Variants in SYT14 observed in about 807,000 individuals in gnomAD.
The protein encoded by SYT14 is synaptotagmin 14.
In SYT14, 32 loss-of-function variants were observed where a neutral mutation model predicts 74.2. The observed-to-expected ratio is 0.43, with a 90% CI of 0.33 to 0.58. The LOEUF is 0.58. SYT14 is among the 20% of genes least tolerant of loss of function. The pLI, the probability that SYT14 is intolerant of heterozygous loss-of-function variation, is 0.05. For missense variants in SYT14, 791 were observed against 981.8 expected (o/e 0.81, Z 2.60); for synonymous variants, 298 against 337.7 (o/e 0.88, Z 1.29).
chr1:210,072,132 G>GATATATATATAT (rs34290398), intron 5 of SYT14, among the ~76,000 whole-genome samples: 9 of 146,306 alleles, frequency 6.2e-5, no homozygotes, highest in South Asian at 2.2e-4. Flanking sequence ...GTTAATTAAA[G>GATATATATATAT]ATATATATAT....
At chr1:210,139,277 T>TC (rs1205849220) in intron 7 of SYT14, among the ~76,000 whole-genome samples, 3 of 147,498 alleles carry the variant, frequency 2.0e-5, no homozygotes, top group Non-Finnish European at 3.0e-5. Flanking sequence ...TTTTTTTTTT[T>TC]TTTTTTTTTT....
chr1:210,005,280 G>A (rs1316062523), intron 2 of SYT14, among the ~76,000 whole-genome samples: 1 of 151,934 alleles, frequency 6.6e-6, no homozygotes, highest in Admixed American at 6.6e-5. Flanking sequence ...GAGGAAGATG[G>A]TGTCTCTCTG....
At chr1:210,020,359 T>A (rs774014929) in intron 4 of SYT14, among the ~76,000 whole-genome samples, 3 of 152,204 alleles carry the variant, frequency 2.0e-5, no homozygotes, top group Non-Finnish European at 2.9e-5. Flanking sequence ...ATATCTTTAT[T>A]CATCTGTTAA....
At chr1:210,165,278 T>G (rs1296664172) in exon 10 of SYT14, 1 of 152,044 alleles carries the variant, frequency 6.6e-6, no homozygotes, top group Non-Finnish European at 1.5e-5. Context: ...CCACTCACCT[T>G]GATTGAATGG....
intron 6 of SYT14, 145 bp from the exon 6 acceptor site, chr1:210,099,867 T>C (rs1389639423): frequency 1.9e-5 from 15 of 791,634 alleles, no homozygotes; most frequent in Non-Finnish European, 2.8e-5. Flanking sequence ...AGCTTTTGGT[T>C]GTAGTTGACT....
chr1:210,145,462 A>G (rs376921299), intron 7 of SYT14, among the ~76,000 whole-genome samples: 89 of 152,298 alleles, frequency 5.8e-4, no homozygotes, highest in African/African-American at 2.0e-3. Flanking sequence ...ATTTTCATTC[A>G]GCAATATTTA....
At chr1:210,096,389 G>GAGAGAA (rs1422466842) in intron 6 of SYT14, among the ~76,000 whole-genome samples, 1 of 152,192 alleles carries the variant, frequency 6.6e-6, no homozygotes, top group African/African-American at 2.4e-5. Context: ...GTGTGAGAGA[G>GAGAGAA]AGAGAAAGAG....
intron 5 of SYT14, among the ~76,000 whole-genome samples, chr1:210,025,232 G>C (rs937599846): frequency 2.0e-5 from 3 of 152,190 alleles, no homozygotes; most frequent in Admixed American, 2.0e-4. Context: ...TGCAGAAACT[G>C]CTGCTTTGTG....
intron 2 of SYT14, among the ~76,000 whole-genome samples, chr1:210,005,558 T>G (rs1374729163): frequency 6.6e-6 from 1 of 151,966 alleles, no homozygotes; most frequent in Non-Finnish European, 1.5e-5. Flanking sequence ...TTTAGATAAT[T>G]GTGAAGGAAT....
chr1:209,969,445 C>G (rs1377303416), intron 2 of SYT14, among the ~76,000 whole-genome samples: 1 of 149,156 alleles, frequency 6.7e-6, no homozygotes, highest in Non-Finnish European at 1.5e-5. Flanking sequence ...GCCGTTCTGA[C>G]TAGTGTGAAA....
intron 5 of SYT14, among the ~76,000 whole-genome samples, chr1:210,027,474 G>A (rs530180532): frequency 6.6e-6 from 1 of 152,010 alleles, no homozygotes; most frequent in East Asian, 1.9e-4. Flanking sequence ...AAGTGGACAT[G>A]GATTATCAAA....
chr1:210,073,474 C>T (rs865843693), intron 5 of SYT14, among the ~76,000 whole-genome samples: 2 of 151,954 alleles, frequency 1.3e-5, no homozygotes, highest in South Asian at 2.1e-4. Context: ...CCTCAGAATG[C>T]CTGAAGTCTT....
At position 210,093,719 on chromosome 1, in the gene SYT14, CTT is replaced by C. The variant is rs144234961; in HGVS notation, c.1313-601_1313-600del. ...GAAGAGACAGAACACAGCCTCCAGTCTTTGCAGATTGATGGATGTTCGCAAAC... is the reference window on the plus strand; with the variant it reads ...GAAGAGACAGAACACAGCCTCCAGTCTGCAGATTGATGGATGTTCGCAAAC... On this transcript the variant is annotated intron_variant, in intron 5 of 9. Coordinates refer to ENST00000637265, the Ensembl canonical transcript of SYT14. Among the ~76,000 whole-genome samples the C allele has an allele frequency of 9.2e-3, 1,395 of 152,224 alleles. 24 individuals carry two copies. Among genetic ancestry groups the C allele is most frequent in the African/African-American group, 0.032 (1,332 of 41,534 alleles).
intron 5 of SYT14, among the ~76,000 whole-genome samples, chr1:210,021,921 A>T (rs1020895202): frequency 6.6e-6 from 1 of 152,176 alleles, no homozygotes; most frequent in African/African-American, 2.4e-5. Flanking sequence ...CAGTCCACTT[A>T]TTCATGTTTT....
intron 2 of SYT14, among the ~76,000 whole-genome samples, chr1:209,955,057 G>A (rs2078972363): frequency 6.6e-6 from 1 of 152,118 alleles, no homozygotes; most frequent in African/African-American, 2.4e-5. Context: ...TCTTTTGCTA[G>A]CCTCTCTCCC....
chr1:210,006,090 G>A (rs2079983220), intron 2 of SYT14, among the ~76,000 whole-genome samples: 1 of 151,826 alleles, frequency 6.6e-6, no homozygotes, highest in African/African-American at 2.4e-5. Flanking sequence ...AGATCTTAGT[G>A]TTTCACATCA....
intron 2 of SYT14, among the ~76,000 whole-genome samples, chr1:209,990,712 A>C (rs1337157583): frequency 1.3e-5 from 2 of 150,172 alleles, no homozygotes; most frequent in African/African-American, 4.9e-5. Flanking sequence ...TATCAAAATA[A>C]CTAATGTACT....
chr1:210,081,082 A>G (rs2081607189), intron 5 of SYT14, among the ~76,000 whole-genome samples: 1 of 152,214 alleles, frequency 6.6e-6, no homozygotes, highest in South Asian at 2.1e-4. Flanking sequence ...TTGCCAGTGT[A>G]CGGCTGTGAC....
At chr1:210,165,698 A>T (rs531834753) in exon 10 of SYT14, 1 of 152,328 alleles carries the variant, frequency 6.6e-6, no homozygotes, top group African/African-American at 2.4e-5. Context: ...CTAGTTTATT[A>T]CATATGTCTC....
Sources: allele counts gnomAD v4.1 joint callset (sites outside exome capture counted in the v4.1 genomes callset), GRCh38; gene constraint gnomAD v4.1.1; transcripts MANE v1.5; gene names NCBI Gene and HGNC (gene_info 2026-07-23, HGNC 2026-07-21).